The following MTOR variants were observed in gnomAD, a reference collection of about 807,000 sequenced individuals.
MTOR encodes mechanistic target of rapamycin kinase, also known as serine/threonine-protein kinase mTOR.
A neutral mutation model predicts 319.8 loss-of-function variants in MTOR; 70 were observed. The ratio of observed to expected loss-of-function variants is 0.22; its 90% CI spans 0.18 to 0.27. MTOR has a LOEUF of 0.27. MTOR is among the 10% of genes least tolerant of loss of function. The pLI is 1.00. For synonymous variants in MTOR, 1,183 were observed against 1,211.4 expected (o/e 0.98, Z 0.49); for missense variants, 1,890 against 3,274.4 (o/e 0.58, Z 10.32).
At position 11,199,282 on chromosome 1, in the gene MTOR, G is replaced by C; in HGVS notation, c.4229C>G (p.Pro1410Arg). 1.2e-6 allele frequency: 2 copies of C among 1,614,184 alleles called. No individual in the cohort carries two copies. The highest frequency in any genetic ancestry group is 1.7e-6 in the Non-Finnish European group (2 of 1,180,026). The change falls in exon 28 of 58, where the codon CCT becomes CGT. Residue 1410 changes from proline (P) to arginine (R), a missense_variant. This residue lies in a region of MTOR where 45 missense variants were observed against 107.2 expected (regional missense o/e 0.42). Coordinates refer to ENST00000361445, the MANE Select transcript of MTOR (RefSeq NM_004958.4). The surrounding 1 kb of genome is among the most constrained non-coding windows in gnomAD (Gnocchi z 4.5). Reference protein sequence around the residue: ...KELEFQKGPTPAILESLISIN... With the variant: ...KELEFQKGPTRAILESLISIN... ...CCTGATGAGAGATTCTAGAATGGCA[G>C]GGGTGGGGCCTTTCTGGAACTCCAG...
At chr1:11,257,380 C>CAAAAAAAAAAAAAAAAA (rs1006118528) in intron 3 of MTOR, among the ~76,000 whole-genome samples, 1 of 36,782 alleles carries the variant, frequency 2.7e-5, no homozygotes, top group Non-Finnish European at 6.2e-5. Flanking sequence ...TACTAAGATA[C>CAAAAAAAAAAAAAAAAA]AAAAAAAAAA....
At chr1:11,233,516 T>A in intron 14 of MTOR, 29 bp from the exon 15 acceptor site, 1 of 1,554,262 alleles carries the variant, frequency 6.4e-7, no homozygotes, top group Non-Finnish European at 8.9e-7. Context: ...AGAAAATGAA[T>A]GCAGATTAGA....
In MTOR at chr1:11,150,190, G is replaced by A. The variant is rs779031751; in HGVS notation, c.4506C>T (p.Thr1502=). 6.2e-7 allele frequency: 1 copy of A among 1,613,950 alleles called. No individual in the cohort carries two copies. Among genetic ancestry groups the A allele is most frequent in the East Asian group, 2.2e-5 (1 of 44,864 alleles). ...TGGCTTGGGTCTCATCATTAACCAG[G>A]GTCCACTTTTCACAGCACTGCTGGT... is the stretch of plus-strand genomic sequence containing the variant. The part of the protein sequence containing the change: ...QLHQQCCEKW[T]LVNDETQAKM... Residue 1502 remains threonine, a synonymous_variant, in exon 31 of 58, where the codon ACC becomes ACT. Coordinates refer to ENST00000361445, the MANE Select transcript of MTOR (RefSeq NM_004958.4).
At chr1:11,243,984 C>T (rs1648451216) in intron 8 of MTOR, among the ~76,000 whole-genome samples, 1 of 152,046 alleles carries the variant, frequency 6.6e-6, no homozygotes, top group Non-Finnish European at 1.5e-5. Context: ...CCATGCACTC[C>T]AGCCTGGGCA....
intron 28 of MTOR, chr1:11,189,705 G>C (rs576456694): frequency 6.2e-7 from 1 of 1,614,126 alleles, no homozygotes; most frequent in Non-Finnish European, 8.5e-7. Context: ...AGCTCAAAGC[G>C]GCCAACTGCT....
chr1:11,195,706 CAG>C (rs1006742569), intron 28 of MTOR: 2 of 152,630 alleles, frequency 1.3e-5, no homozygotes, highest in Non-Finnish European at 2.9e-5. Context: ...AGGAGGTGGA[CAG>C]AGTCTCTCAT....
At position 11,139,593 on chromosome 1, in the gene MTOR, A is replaced by T. The variant is rs768933212; in HGVS notation, c.4938T>A (p.Pro1646=). 1 of 1,614,184 alleles carries T rather than the reference A, an allele frequency of 6.2e-7. No individual in the cohort carries two copies. The change falls in exon 35 of 58, where the codon CCT becomes CCA. Residue 1646 remains proline (P), a synonymous_variant. Transcript: ENST00000361445. ...TGAGCCAGGTTCTCATGTCTTCATG[A>T]GGGCTGACCACAAGGGACCGCACCA... ...ILMVRSLVVS[P]HEDMRTWLKY...
intron 26 of MTOR, among the ~76,000 whole-genome samples, chr1:11,202,864 TC>T (rs1257096926): frequency 6.6e-6 from 1 of 151,334 alleles, no homozygotes; most frequent in African/African-American, 2.4e-5. Context: ...GCCGAGATCG[TC>T]CCACTGCACT....
At chr1:11,210,380 G>A (rs923429420) in intron 24 of MTOR, among the ~76,000 whole-genome samples, 1 of 152,158 alleles carries the variant, frequency 6.6e-6, no homozygotes, top group Non-Finnish European at 1.5e-5. Context: ...AAACTCCTGG[G>A]CTCAAGCAAT....
chr1:11,248,772 A>C lies in MTOR; in HGVS notation c.841-678T>G, dbSNP rs142446926. Among the ~76,000 whole-genome samples the C allele has an allele frequency of 6.0e-3, 921 of 152,268 alleles. 11 individuals are homozygous for C. The highest frequency in any genetic ancestry group is 0.021 in the African/African-American group (867 of 41,560). ...GGTTGCAGTGAGCCAAGATTGCACCACTGCACTCTAGCCTGGGCGACAAGA... is the reference window on the plus strand; with the variant it reads ...GGTTGCAGTGAGCCAAGATTGCACCCCTGCACTCTAGCCTGGGCGACAAGA... On this transcript the variant is annotated intron_variant, in intron 6 of 57. Transcript: ENST00000361445.
At chr1:11,193,472 C>A in intron 28 of MTOR, 1 of 981,310 alleles carries the variant, frequency 1.0e-6, no homozygotes, top group Non-Finnish European at 1.5e-6. Flanking sequence ...TGCGGGAGTG[C>A]ACACATCTAC....
chr1:11,190,779 T>C (rs1645497755), intron 28 of MTOR, among the ~76,000 whole-genome samples: 1 of 152,202 alleles, frequency 6.6e-6, no homozygotes. Flanking sequence ...GTAAGGAGCA[T>C]ATCCTATAGA....
At position 11,107,063 on chromosome 1, in the gene MTOR, T is replaced by A. The variant is rs762995198; in HGVS notation, c.*422A>T. 5.1e-6 allele frequency: 7 copies of A among 1,372,242 alleles called. No individual in the cohort carries two copies. The South Asian group carries it at 8.6e-5, about 17-fold the overall frequency. The allele number at this position is 1,372,242 out of a possible 1,614,324, so 85.0% of individuals were successfully genotyped here. ...TACAGTCTAGGATCCTAATCCATGT[T>A]CTCCACGACCTGAGGCTTCTTGGCT... On this transcript the variant is annotated 3_prime_UTR_variant, in exon 58 of 58. Coordinates refer to ENST00000361445, the MANE Select transcript of MTOR (RefSeq NM_004958.4).
chr1:11,252,075 C>T (rs886620182), intron 6 of MTOR, among the ~76,000 whole-genome samples: 4 of 152,082 alleles, frequency 2.6e-5, no homozygotes, highest in African/African-American at 4.8e-5. Context: ...TGACCCACTG[C>T]GATACCAAAA....
intron 8 of MTOR, 86 bp downstream of exon 8, chr1:11,247,539 A>G (rs917735426): frequency 1.1e-5 from 13 of 1,203,692 alleles, no homozygotes; most frequent in Non-Finnish European, 1.3e-5. Flanking sequence ...CGTTGCTTCA[A>G]AGGAAAAGAT....
chr1:11,156,368 T>G (rs1323498712), intron 30 of MTOR, among the ~76,000 whole-genome samples: 1 of 152,220 alleles, frequency 6.6e-6, no homozygotes, highest in East Asian at 1.9e-4. Context: ...TTTTTAAAAG[T>G]TGCACTTGTT....
intron 19 of MTOR, among the ~76,000 whole-genome samples, chr1:11,220,526 G>C (rs901344227): frequency 1.3e-5 from 2 of 152,192 alleles, no homozygotes; most frequent in African/African-American, 4.8e-5. Flanking sequence ...CTAGGAGAAA[G>C]CTCTAATATG....
At chr1:11,132,923 G>A (rs1218234128) in intron 38 of MTOR, 157 bp downstream of exon 38, 5 of 642,402 alleles carry the variant, frequency 7.8e-6, no homozygotes, top group African/African-American at 7.2e-5. Flanking sequence ...GGGAAATGCA[G>A]GCTCCCTGGG....
chr1:11,257,225 C>G, intron 3 of MTOR, 60 bp from the exon 4 acceptor site: 1 of 1,418,746 alleles, frequency 7.0e-7, no homozygotes, highest in East Asian at 2.4e-5. Flanking sequence ...GGAAAGTACG[C>G]AGACTTCAAC....
Sources: gnomAD v4.1 joint callset for allele counts (sites outside exome capture counted in the v4.1 genomes callset) on GRCh38, gnomAD v4.1.1 for gene constraint, gnomAD v4.1.1 regional missense constraint, Gnocchi (gnomAD v3.1) non-coding constraint, MANE v1.5 for transcripts, NCBI Gene and HGNC (gene_info 2026-07-23, HGNC 2026-07-21) for gene names.